Variants in PCNX2 observed in about 807,000 individuals in gnomAD.
PCNX2 encodes pecanex 2, also known as pecanex-like protein 2.
Under a neutral mutation model 223.8 loss-of-function variants are expected in PCNX2, and 168 were observed. That is an observed-to-expected ratio of 0.75 (90% confidence interval 0.66 to 0.85). PCNX2 has a LOEUF of 0.85. Among genes scored for constraint, PCNX2 ranks in the 40% least tolerant of loss-of-function variants. The pLI is 0.00. For missense variants in PCNX2, 2,507 were observed against 2,675.5 expected, an observed-to-expected ratio of 0.94 and a Z score of 1.39; for synonymous variants, 1,006 against 1,052.6, an observed-to-expected ratio of 0.96 and a Z score of 0.86.
chr1:233,074,500 C>A (rs1672999125), intron 23 of PCNX2, among the ~76,000 whole-genome samples: 1 of 141,728 alleles, frequency 7.1e-6, no homozygotes, highest in Admixed American at 7.6e-5. Context: ...GAGGCTGAGG[C>A]AGGAGAATGG....
Position 233,252,429 on chromosome 1 carries a change from C to G in PCNX2, c.2053G>C (p.Val685Leu), listed in dbSNP as rs1387255810. 6.2e-7 allele frequency: 1 copy of G among 1,613,672 alleles called. No homozygotes were observed. Among genetic ancestry groups the G allele is most frequent in the African/African-American group, 1.3e-5 (1 of 74,928 alleles). ...ACAGATGTTTCAGGCCCACTGATGA[C>G]TTGCAAGACAGAACTATCTTGTTGG... ...TSQQDSSVLQVISGPETSVQE... is the reference protein window; with the variant it reads ...TSQQDSSVLQLISGPETSVQE... Residue 685 changes from valine to leucine, a missense_variant, in exon 7 of 34, where the codon GTC (valine) becomes CTC (leucine). Val to Leu is a conservative substitution (Grantham distance 32). Transcript: ENST00000258229.
chr1:233,105,844 A>G (rs6676695), intron 21 of PCNX2, among the ~76,000 whole-genome samples: 26,138 of 152,202 alleles, frequency 0.17, 2,338 homozygotes, highest in East Asian at 0.25. Context: ...ATCCATAAAC[A>G]CAAATGAAGT....
intron 8 of PCNX2, among the ~76,000 whole-genome samples, chr1:233,245,756 T>C (rs750868967): frequency 2.0e-5 from 3 of 151,826 alleles, no homozygotes; most frequent in Non-Finnish European, 4.4e-5. Flanking sequence ...CTACTAAAAA[T>C]ACAAAAAAAT....
Position 233,161,290 on chromosome 1 carries a change from G to A in PCNX2, c.3347C>T (p.Thr1116Ile), listed in dbSNP as rs774365339. The A allele has an allele frequency of 6.2e-7, 1 of 1,613,766 alleles. No homozygotes were observed. The highest frequency in any genetic ancestry group is 1.1e-5 in the South Asian group (1 of 91,064). ...AVLSFAVSASTVFLSLRPFLS... is the reference protein window; with the variant it reads ...AVLSFAVSASIVFLSLRPFLS... ...ACATACTCGCAATGACAGGAATACA[G>A]TGCTGGCGCTGACTGCAAATGAGAG... The change falls in exon 18 of 34, where the codon ACT becomes ATT. Residue 1116 changes from threonine to isoleucine, a missense_variant. Thr to Ile is a moderately conservative substitution (Grantham distance 89). Transcript: ENST00000258229.
intron 8 of PCNX2, among the ~76,000 whole-genome samples, chr1:233,245,313 C>T (rs1289693417): frequency 6.6e-6 from 1 of 152,208 alleles, no homozygotes; most frequent in Non-Finnish European, 1.5e-5. Flanking sequence ...CTGGCAGCAA[C>T]TTGAAGAGAT....
the PCNX2 span, among the ~76,000 whole-genome samples, chr1:233,308,342 C>T: frequency 6.6e-6 from 1 of 151,966 alleles, no homozygotes; most frequent in Non-Finnish European, 1.5e-5. Context: ...GCCTGCAATC[C>T]CAGCTACTTG....
At chr1:233,233,619 C>A (rs1658206259) in intron 9 of PCNX2, among the ~76,000 whole-genome samples, 1 of 152,090 alleles carries the variant, frequency 6.6e-6, no homozygotes, top group Admixed American at 6.6e-5. Flanking sequence ...CTCCTGACCA[C>A]CCGCCCATTA....
rs146464049 is a variant in PCNX2 at position 233,008,042 on chromosome 1, C to T, written c.4953-6361G>A. Among the ~76,000 whole-genome samples, 647 of 152,290 alleles carry T rather than the reference C, an allele frequency of 4.2e-3. 3 individuals are homozygous for T. Among genetic ancestry groups the T allele is most frequent in the African/African-American group, 0.014 (596 of 41,548 alleles). ...AATGAACTCATCCCTTTAAAGGCTT[C>T]AGTTGAGCCACAATACTGAAAGCAC... is the stretch of plus-strand genomic sequence containing the variant. On this transcript the variant is annotated intron_variant, in intron 28 of 33. Transcript: ENST00000258229.
chr1:233,306,194 G>A, the PCNX2 span, among the ~76,000 whole-genome samples: 2 of 152,156 alleles, frequency 1.3e-5, no homozygotes, highest in Admixed American at 1.3e-4. Context: ...TAAAGGGTCA[G>A]TTCATTAAGA....
In PCNX2 at chr1:233,252,654, T is replaced by C; in HGVS notation, c.1969A>G (p.Lys657Glu). 1 of 1,612,026 alleles carries C rather than the reference T, an allele frequency of 6.2e-7. No individual in the cohort carries two copies. Among genetic ancestry groups the C allele is most frequent in the African/African-American group, 1.3e-5 (1 of 74,954 alleles). The change falls in exon 6 of 34, where the codon AAG (lysine) becomes GAG (glutamate). Residue 657 changes from lysine (K) to glutamate (E), a missense_variant. Around this residue, in one of 3 missense-constraint regions of PCNX2, gnomAD observed 1,031 missense variants for 1,021.7 expected, o/e 1.01. Coordinates refer to ENST00000258229, the MANE Select transcript of PCNX2 (RefSeq NM_014801.4). The part of the protein sequence containing the change: ...STGPACTQPA[K>E]TTAFFQGNRQ... The stretch of plus-strand genomic sequence containing the variant: ...ACTTATCCTTACAAGGCTGTGGTCT[T>C]GGCAGGCTGAGTGCATGCGGGGCCG...
At chr1:233,065,892 C>T (rs1442127525) in intron 23 of PCNX2, among the ~76,000 whole-genome samples, 1 of 152,176 alleles carries the variant, frequency 6.6e-6, no homozygotes, top group African/African-American at 2.4e-5. Flanking sequence ...GAAACCCAAC[C>T]TTCAAACCAA....
Position 233,236,844 on chromosome 1 carries a change from C to A in PCNX2, c.2358+1G>T. 1.9e-6 allele frequency: 3 copies of A among 1,613,568 alleles called. No individual in the cohort carries two copies. The highest frequency in any genetic ancestry group is 2.5e-6 in the Non-Finnish European group (3 of 1,179,804). The stretch of plus-strand genomic sequence containing the variant: ...AAACAGCAATTCTGGAATGTACGTA[C>A]CCGTGGGGTTTCCGACTGGGTCCTG... On this transcript the variant is annotated splice_donor_variant, in intron 9 of 33. Transcript: ENST00000258229. LOFTEE classifies it high-confidence loss of function.
At chr1:232,994,627 A>C (rs1669813111) in intron 32 of PCNX2, among the ~76,000 whole-genome samples, 1 of 152,090 alleles carries the variant, frequency 6.6e-6, no homozygotes, top group Non-Finnish European at 1.5e-5. Flanking sequence ...TTTAGGAGGG[A>C]CTAGGGGCAT....
At chr1:233,226,066 G>T (rs974851367) in intron 10 of PCNX2, among the ~76,000 whole-genome samples, 1 of 152,146 alleles carries the variant, frequency 6.6e-6, no homozygotes. Context: ...TTTTTCCACT[G>T]CCCCCAAGAG....
At chr1:233,025,011 C>T in intron 26 of PCNX2, 135 bp downstream of exon 26, 1 of 1,205,274 alleles carries the variant, frequency 8.3e-7, no homozygotes, top group Non-Finnish European at 1.2e-6. Context: ...AGCAATGGTT[C>T]CCCAGATGGC....
chr1:232,999,452 CTTTTTTTTTT>C lies in PCNX2; in HGVS notation c.5329-83_5329-74del, dbSNP rs61543110. ...TCCAGTCTATTGGTTTTTTCTTTTTCTTTTTTTTTTTTTTTTTTGAGATAGAGTTTCGCTC... is the reference window on the plus strand; with the variant it reads ...TCCAGTCTATTGGTTTTTTCTTTTTCTTTTTTTTGAGATAGAGTTTCGCTC... On this transcript the variant is annotated intron_variant, in intron 30 of 33. Coordinates refer to ENST00000258229, the MANE Select transcript of PCNX2 (RefSeq NM_014801.4). 357 of 1,171,050 alleles carry C rather than the reference CTTTTTTTTTT, an allele frequency of 3.0e-4. No individual in the cohort carries two copies. In the African/African-American group the frequency reaches 5.3e-3, roughly 18 times the overall value. 72.5% of individuals were successfully genotyped at this position (1,171,050 alleles called of 1,614,324 possible).
the PCNX2 span, among the ~76,000 whole-genome samples, chr1:233,312,682 A>C: frequency 1.4e-4 from 22 of 152,248 alleles, no homozygotes; most frequent in African/African-American, 5.3e-4. Context: ...AATCACAATT[A>C]TGAATGATGA....
the PCNX2 span, among the ~76,000 whole-genome samples, chr1:233,301,765 A>T: frequency 6.6e-6 from 1 of 151,622 alleles, no homozygotes; most frequent in Admixed American, 6.6e-5. Flanking sequence ...TATACTAAGA[A>T]AGATAAAGTC....
intron 26 of PCNX2, among the ~76,000 whole-genome samples, chr1:233,023,608 C>T (rs1024707110): frequency 6.6e-6 from 1 of 152,200 alleles, no homozygotes; most frequent in Non-Finnish European, 1.5e-5. Context: ...TCTAACACAA[C>T]TGGTATATTG....
Sources: allele counts gnomAD v4.1 joint callset (sites outside exome capture counted in the v4.1 genomes callset), GRCh38; gene constraint gnomAD v4.1.1; regional missense constraint gnomAD v4.1.1; transcripts MANE v1.5; gene names NCBI Gene and HGNC (gene_info 2026-07-23, HGNC 2026-07-21).